Variants in THTPA observed in about 807,000 individuals in gnomAD.
The protein encoded by THTPA is thiamine triphosphatase, also known as thiamine-triphosphatase.
In THTPA, 16 loss-of-function variants were observed where a neutral mutation model predicts 16.5. The ratio of observed to expected loss-of-function variants is 0.97; its 90% CI spans 0.66 to 1.47. The LOEUF (loss-of-function observed/expected upper bound fraction) is 1.47. Ranked by LOEUF, THTPA falls within the 40% of genes most tolerant of loss-of-function variation. The pLI is 0.00. For synonymous variants in THTPA, 110 were observed against 115.5 expected, an observed-to-expected ratio of 0.95 and a Z score of 0.30; for missense variants, 281 against 280.9, an observed-to-expected ratio of 1.00 and a Z score of 0.00.
At chr14:23,531,764 T>A in the THTPA span, 1 of 1,286,038 alleles carries the variant, frequency 7.8e-7, no homozygotes, top group Non-Finnish European at 9.8e-7. Context: ...AGAAGGGACA[T>A]GCCAGACCTC....
the THTPA span, chr14:23,530,280 CCAGT>C: frequency 3.8e-6 from 4 of 1,064,406 alleles, no homozygotes; most frequent in East Asian, 2.6e-5. Context: ...GGACAAGCAG[CCAGT>C]CAATGAAGGA....
At chr14:23,545,614 C>A in the THTPA span, among the ~76,000 whole-genome samples, 1 of 152,320 alleles carries the variant, frequency 6.6e-6, no homozygotes, top group Non-Finnish European at 1.5e-5. Context: ...GCACTTCTTT[C>A]CCTAAAGCAG....
At chr14:23,540,969 G>A in the THTPA span, among the ~76,000 whole-genome samples, 3,524 of 151,688 alleles carry the variant, frequency 0.023, 66 homozygotes, top group Non-Finnish European at 0.036. Context: ...GCAATGGTGT[G>A]ATCTCAGCTC....
At chr14:23,526,250 C>T in the THTPA span, 37 of 1,536,148 alleles carry the variant, frequency 2.4e-5, no homozygotes, top group Admixed American at 9.8e-5. Context: ...GGCCTCTCCC[C>T]GTGCAGGGGC....
At chr14:23,516,350 C>T in the THTPA span, among the ~76,000 whole-genome samples, 1 of 152,140 alleles carries the variant, frequency 6.6e-6, no homozygotes, top group African/African-American at 2.4e-5. Context: ...TTTATGCTGA[C>T]ATGTTTGGGA....
At chr14:23,533,329 C>G in the THTPA span, 1 of 1,439,360 alleles carries the variant, frequency 6.9e-7, no homozygotes, top group Non-Finnish European at 9.1e-7. This position sits in a 1 kb window ranked among gnomAD's most constrained non-coding sequence, Gnocchi z 4.8. Flanking sequence ...GTGGTGGAAA[C>G]CATTGAGAAG....
the THTPA span, among the ~76,000 whole-genome samples, chr14:23,517,416 C>T: frequency 1.3e-5 from 2 of 152,168 alleles, no homozygotes; most frequent in Admixed American, 6.5e-5. Flanking sequence ...GACCCTGAGG[C>T]TGGGTCTACA....
At chr14:23,532,935 T>G in the THTPA span, 7 of 1,536,182 alleles carry the variant, frequency 4.6e-6, no homozygotes, top group Non-Finnish European at 6.1e-6. Flanking sequence ...AGCTCCAGGC[T>G]GTCTGTGCTG....
At chr14:23,522,747 C>T in the THTPA span, 5 of 1,536,382 alleles carry the variant, frequency 3.3e-6, no homozygotes, top group Admixed American at 2.0e-5. Flanking sequence ...GGCTTTCGCT[C>T]ACTGGAGACC....
At chr14:23,513,867 G>C in the THTPA span, 6 of 152,446 alleles carry the variant, frequency 3.9e-5, no homozygotes, top group African/African-American at 1.4e-4. Context: ...GGAGTATGAG[G>C]TGATTAGTGC....
chr14:23,557,360 G>A, intron 1 of THTPA, 56 bp downstream of exon 1: 1 of 1,487,190 alleles, frequency 6.7e-7, no homozygotes. Context: ...CTCTTTTGGA[G>A]GCACCTGCTG....
chr14:23,535,448 C>T, the THTPA span: 2 of 1,258,122 alleles, frequency 1.6e-6, no homozygotes, highest in Non-Finnish European at 2.1e-6. This position sits in a 1 kb window ranked among gnomAD's most constrained non-coding sequence, Gnocchi z 4.5. Flanking sequence ...TCTCTGGATA[C>T]TCCTGCCCCA....
chr14:23,536,372 AG>A, the THTPA span, among the ~76,000 whole-genome samples: 1 of 152,308 alleles, frequency 6.6e-6, no homozygotes, highest in African/African-American at 2.4e-5. Flanking sequence ...TGCCAGAGAT[AG>A]GGCATAATTG....
chr14:23,533,607 C>T, the THTPA span: 1 of 1,536,818 alleles, frequency 6.5e-7, no homozygotes, highest in Non-Finnish European at 8.7e-7. This position sits in a 1 kb window ranked among gnomAD's most constrained non-coding sequence, Gnocchi z 4.8. Flanking sequence ...CGTAGCTGCA[C>T]ACCTTGCACT....
chr14:23,534,064 A>G, the THTPA span: 1 of 1,526,116 alleles, frequency 6.6e-7, no homozygotes, highest in Non-Finnish European at 8.8e-7. This position sits in a 1 kb window ranked among gnomAD's most constrained non-coding sequence, Gnocchi z 4.5. Flanking sequence ...GTCATCAGCT[A>G]GGCGATAGGG....
chr14:23,528,189 G>A, the THTPA span, among the ~76,000 whole-genome samples: 2 of 152,176 alleles, frequency 1.3e-5, no homozygotes, highest in African/African-American at 2.4e-5. Context: ...GATTACAGGC[G>A]TGAGCCACCA....
chr14:23,535,366 G>A, the THTPA span: 1 of 1,438,540 alleles, frequency 7.0e-7, no homozygotes, highest in Admixed American at 2.8e-5. The surrounding 1 kb of genome is among the most constrained non-coding windows in gnomAD (Gnocchi z 4.5). Context: ...CAGCGTGACA[G>A]CCAGTACCCT....
the THTPA span, chr14:23,533,112 C>G: frequency 2.0e-6 from 3 of 1,486,594 alleles, no homozygotes; most frequent in Non-Finnish European, 2.7e-6. The surrounding 1 kb of genome is among the most constrained non-coding windows in gnomAD (Gnocchi z 4.8). Context: ...ATTAGTGGCC[C>G]AAGAAAGAAA....
At chr14:23,541,428 T>C in the THTPA span, among the ~76,000 whole-genome samples, 2 of 151,702 alleles carry the variant, frequency 1.3e-5, no homozygotes, top group Non-Finnish European at 2.9e-5. Flanking sequence ...GCTGAGACTA[T>C]AGGCAGGCTC....
Sources: gnomAD v4.1 joint callset for allele counts (sites outside exome capture counted in the v4.1 genomes callset) on GRCh38, gnomAD v4.1.1 for gene constraint, Gnocchi (gnomAD v3.1) non-coding constraint, MANE v1.5 for transcripts, NCBI Gene and HGNC (gene_info 2026-07-23, HGNC 2026-07-21) for gene names.